Variants in BDH2 observed in about 807,000 individuals in gnomAD.
BDH2 encodes the protein dehydrogenase/reductase SDR family member 6.
BDH2 carries 24 observed loss-of-function variants against 33.2 expected under a neutral mutation model. The observed-to-expected ratio is 0.72, with a 90% CI of 0.52 to 1.02. BDH2 has a LOEUF of 1.02. Among genes scored for constraint, BDH2 ranks in the 50% least tolerant of loss-of-function variants. The pLI, the probability that BDH2 is intolerant of heterozygous loss-of-function variation, is 0.00. For missense variants in BDH2, 249 were observed against 301.6 expected (o/e 0.83, Z 1.29); for synonymous variants, 81 against 101.6 (o/e 0.80, Z 1.22).
At chr4:103,093,409 C>T (rs1054465970) in intron 3 of BDH2, among the ~76,000 whole-genome samples, 1 of 151,738 alleles carries the variant, frequency 6.6e-6, no homozygotes, top group African/African-American at 2.4e-5. Flanking sequence ...GGGATGACAC[C>T]CTTGAAGGCT....
In BDH2 at chr4:103,082,121, T is replaced by G. The variant is rs776566956; in HGVS notation, c.644A>C (p.Glu215Ala). Residue 215 changes from glutamate to alanine, a missense_variant, in exon 9 of 10, where the codon GAA becomes GCA. By Grantham distance (107) the Glu-to-Ala change is moderately radical. Coordinates refer to ENST00000296424, the MANE Select transcript of BDH2 (RefSeq NM_020139.4). ...ATACACGCAGAGCATGGCTATTTCT[T>G]CTGCAGTTGCGAATCTTCCCGTCTT... The part of the protein sequence containing the change: ...RQKTGRFATA[E>A]EIAMLCVYLA... The G allele has an allele frequency of 6.2e-7, 1 of 1,614,230 alleles. No homozygotes were observed. The highest frequency in any genetic ancestry group is 1.1e-5 in the South Asian group (1 of 91,088).
chr4:103,080,767 G>A (rs558476914), intron 9 of BDH2, among the ~76,000 whole-genome samples: 15 of 152,280 alleles, frequency 9.9e-5, no homozygotes, highest in African/African-American at 3.4e-4. Context: ...CCTAAGCTCT[G>A]GCTAACTAAG....
intron 5 of BDH2, among the ~76,000 whole-genome samples, chr4:103,090,795 A>G (rs1186100122): frequency 6.6e-6 from 1 of 152,134 alleles, no homozygotes; most frequent in Non-Finnish European, 1.5e-5. Context: ...GAGGGGCCGC[A>G]TTGATATCCT....
At chr4:103,084,769 G>A (rs1747693855) in intron 7 of BDH2, among the ~76,000 whole-genome samples, 2 of 152,158 alleles carry the variant, frequency 1.3e-5, no homozygotes, top group African/African-American at 4.8e-5. Flanking sequence ...AAGTCAGTGG[G>A]TTTCAACTGA....
chr4:103,083,064 C>T (rs1747601844), intron 7 of BDH2, 135 bp from the exon 8 acceptor site: 2 of 735,130 alleles, frequency 2.7e-6, no homozygotes, highest in African/African-American at 1.8e-5. Context: ...CAGCTGCCTG[C>T]CTGAGGCCTC....
At chr4:103,084,322 G>A (rs1364956417) in intron 7 of BDH2, among the ~76,000 whole-genome samples, 1 of 152,180 alleles carries the variant, frequency 6.6e-6, no homozygotes, top group Non-Finnish European at 1.5e-5. Flanking sequence ...GTTCAGCTGT[G>A]TCCATGGCAC....
At chr4:103,089,780 C>T (rs76258999) in intron 5 of BDH2, among the ~76,000 whole-genome samples, 1,640 of 152,178 alleles carry the variant, frequency 0.011, 37 homozygotes, top group African/African-American at 0.037. Flanking sequence ...AAAATACATT[C>T]GTGTTCCAAA....
At chr4:103,084,253 G>A (rs562046347) in intron 7 of BDH2, among the ~76,000 whole-genome samples, 2 of 152,190 alleles carry the variant, frequency 1.3e-5, no homozygotes, top group Admixed American at 1.3e-4. Flanking sequence ...GGTACTAATG[G>A]CTATTAAATA....
rs535478131 is a variant in BDH2 at position 103,095,386 on chromosome 4, T to A, written c.73-105A>T. On this transcript the variant is annotated intron_variant, in intron 2 of 9. Transcript: ENST00000296424. ...TTCTCCTTTATCTTATTTTCATTGT[T>A]CTTTTCCCTATAAGATAGCTAGAAT... The A allele has an allele frequency of 1.5e-3, 1,259 of 830,030 alleles. 11 individuals are homozygous for A. In the Middle Eastern group the frequency reaches 0.022, roughly 14 times the overall value. 51.4% of individuals were successfully genotyped at this position (830,030 alleles called of 1,614,324 possible).
At position 103,091,277 on chromosome 4, in the gene BDH2, T is replaced by C; in HGVS notation, c.257A>G (p.His86Arg). ...DVLFNVAGFV[H>R]HGTVLDCEEK... ...CTCACAATCCAGGACAGTTCCATGA[T>C]GGACAAAACTAGAAGAGTGATTAAA... Residue 86 changes from histidine (H) to arginine (R), a missense_variant, in exon 5 of 10, where the codon CAT becomes CGT. By Grantham distance (29) the His-to-Arg change is conservative. Transcript: ENST00000296424. The C allele has an allele frequency of 1.2e-6, 2 of 1,607,288 alleles. No homozygotes were observed. Among genetic ancestry groups the C allele is most frequent in the Non-Finnish European group, 1.7e-6 (2 of 1,174,018 alleles).
chr4:103,098,486 C>T (rs904048759), intron 1 of BDH2, among the ~76,000 whole-genome samples: 9 of 152,132 alleles, frequency 5.9e-5, no homozygotes, highest in Admixed American at 3.3e-4. Context: ...GACAATGAGG[C>T]GCAGCTGCTG....
chr4:103,093,679 A>G (rs1748220766), intron 3 of BDH2, among the ~76,000 whole-genome samples: 1 of 147,508 alleles, frequency 6.8e-6, no homozygotes, highest in Non-Finnish European at 1.5e-5. Context: ...TATAATATAT[A>G]CAATGTATTA....
chr4:103,093,987 AT>A (rs1479929157), intron 3 of BDH2, among the ~76,000 whole-genome samples: 1 of 152,108 alleles, frequency 6.6e-6, no homozygotes, highest in Non-Finnish European at 1.5e-5. Flanking sequence ...TTGCTGTTTG[AT>A]TATGTAACCT....
At chr4:103,079,838 A>G in intron 9 of BDH2, 83 bp from the exon 10 acceptor site, 1 of 1,285,968 alleles carries the variant, frequency 7.8e-7, no homozygotes. Context: ...TGACTAGGAT[A>G]ACTAAACAAT....
chr4:103,098,634 T>C (rs1748518230), intron 1 of BDH2: 1 of 152,186 alleles, frequency 6.6e-6, no homozygotes, highest in African/African-American at 2.4e-5. Flanking sequence ...CTAGAGAAGC[T>C]CCTTATTACC....
intron 9 of BDH2, 74 bp downstream of exon 9, chr4:103,082,007 A>G: frequency 1.7e-6 from 2 of 1,191,048 alleles, no homozygotes; most frequent in Non-Finnish European, 1.2e-6. Context: ...CTCTAAAATG[A>G]TATTATTTTG....
At chr4:103,083,024 T>A in intron 7 of BDH2, 95 bp from the exon 8 acceptor site, 1 of 1,142,328 alleles carries the variant, frequency 8.8e-7, no homozygotes, top group East Asian at 2.3e-5. Context: ...TCAGTGAGAT[T>A]CTTCTCCTTG....
At chr4:103,087,606 G>A (rs1747858373) in intron 5 of BDH2, among the ~76,000 whole-genome samples, 1 of 152,158 alleles carries the variant, frequency 6.6e-6, no homozygotes, top group African/African-American at 2.4e-5. Context: ...ATTAAGATGA[G>A]GGTCTTTGGC....
At position 103,077,772 on chromosome 4, in the gene BDH2, A is replaced by G. The variant is rs1038642893; in HGVS notation, c.*1930T>C. On this transcript the variant is annotated 3_prime_UTR_variant, in exon 10 of 10. Transcript: ENST00000296424. Reference sequence around the variant, plus strand: ...AGTTACAGCATTTTGATTATGATACACGAAAAGAAACCCAAGTCATTTAGC... The same window carrying G: ...AGTTACAGCATTTTGATTATGATACGCGAAAAGAAACCCAAGTCATTTAGC... 6.6e-6 allele frequency among the ~76,000 whole-genome samples: 1 copy of G among 152,238 alleles called. No individual in the cohort carries two copies. The highest frequency in any genetic ancestry group is 2.4e-5 in the African/African-American group (1 of 41,462).
Sources: allele counts gnomAD v4.1 joint callset (sites outside exome capture counted in the v4.1 genomes callset), GRCh38; gene constraint gnomAD v4.1.1; transcripts MANE v1.5; gene names NCBI Gene and HGNC (gene_info 2026-07-23, HGNC 2026-07-21).